The following DGCR2 variants were observed in gnomAD, a reference collection of about 807,000 sequenced individuals.
The protein encoded by DGCR2 is integral membrane protein DGCR2/IDD.
A neutral mutation model predicts 51.6 loss-of-function variants in DGCR2; 24 were observed. The ratio of observed to expected loss-of-function variants is 0.47; its 90% CI spans 0.34 to 0.65. The LOEUF (loss-of-function observed/expected upper bound fraction) is 0.65. Among genes scored for constraint, DGCR2 ranks in the 30% least tolerant of loss-of-function variants. The pLI is 0.01. For missense variants in DGCR2, 765 were observed against 772.1 expected (o/e 0.99, Z 0.11); for synonymous variants, 340 against 315.4 (o/e 1.08, Z -0.82).
chr22:19,068,352 T>C (rs1159450466), intron 2 of DGCR2, 127 bp from the exon 3 acceptor site: 1 of 1,161,088 alleles, frequency 8.6e-7, no homozygotes, highest in East Asian at 3.0e-5. Flanking sequence ...AGTCCGGCAA[T>C]GCAGGCTTTC....
At chr22:19,084,410 C>T (rs2082983020) in intron 2 of DGCR2, among the ~76,000 whole-genome samples, 1 of 151,494 alleles carries the variant, frequency 6.6e-6, no homozygotes, top group African/African-American at 2.4e-5. Context: ...CGCCGGGCCA[C>T]CCCGTCTGAG....
In DGCR2 at chr22:19,036,664, T is replaced by A. The variant is rs2082372328; in HGVS notation, c.*2201A>T. 6.6e-6 allele frequency: 1 copy of A among 152,216 alleles called. No homozygotes were observed. The highest frequency in any genetic ancestry group is 2.1e-4 in the South Asian group (1 of 4,826). 9.4% of individuals were successfully genotyped at this position (152,216 alleles called of 1,614,324 possible). ...TCCCAAGGGCCTCCTGGAGCCACAGTGGCAGCGGTGTTCCAGGCAGCCCTG... is the reference window on the plus strand; with the variant it reads ...TCCCAAGGGCCTCCTGGAGCCACAGAGGCAGCGGTGTTCCAGGCAGCCCTG... On this transcript the variant is annotated 3_prime_UTR_variant, in exon 10 of 10. Transcript: ENST00000263196.
intron 1 of DGCR2, among the ~76,000 whole-genome samples, chr22:19,109,214 A>G (rs2083290098): frequency 6.6e-6 from 1 of 152,212 alleles, no homozygotes; most frequent in Non-Finnish European, 1.5e-5. Context: ...TGGTACAGTC[A>G]CTATGGAAGA....
At chr22:19,046,047 A>G (rs2082486204) in intron 7 of DGCR2, 1 of 152,152 alleles carries the variant, frequency 6.6e-6, no homozygotes, top group African/African-American at 2.4e-5. Context: ...TTTTAGAATT[A>G]GCTTGTCAAT....
chr22:19,103,310 G>A (rs554316581), intron 1 of DGCR2, among the ~76,000 whole-genome samples: 7 of 150,502 alleles, frequency 4.7e-5, no homozygotes, highest in Admixed American at 6.6e-5. Flanking sequence ...TTCTGGAAAT[G>A]GGTAGTGGTG....
Position 19,054,341 on chromosome 22 carries a change from T to C in DGCR2, c.802+2645A>G, listed in dbSNP as rs116547990. On this transcript the variant is annotated intron_variant, in intron 6 of 9. Coordinates refer to ENST00000263196, the MANE Select transcript of DGCR2 (RefSeq NM_005137.3). ...AGCAAATGCAGTAAAACTGAAATAC[T>C]GTAACTGGTGAGTCTGTGTAAATGG... Among the ~76,000 whole-genome samples, 1,169 of 152,334 alleles carry C rather than the reference T, an allele frequency of 7.7e-3. 19 individuals carry two copies. The highest frequency in any genetic ancestry group is 0.026 in the African/African-American group (1,090 of 41,570).
At chr22:19,065,098 G>C in intron 3 of DGCR2, 31 bp from the exon 4 acceptor site, 5 of 1,596,862 alleles carry the variant, frequency 3.1e-6, no homozygotes, top group South Asian at 1.1e-5. Context: ...TGTCCCCCAA[G>C]TTAGGATCCA....
rs1401580854 is a variant in DGCR2, at chr22:19,064,944, G to C, written c.452C>G (p.Ser151Cys). 5 of 1,613,890 alleles carry C rather than the reference G, an allele frequency of 3.1e-6. No homozygotes were observed. The highest frequency in any genetic ancestry group is 4.2e-6 in the Non-Finnish European group (5 of 1,180,054). The change falls in exon 4 of 10, where the codon TCT becomes TGT. Residue 151 changes from serine (S) to cysteine (C), a missense_variant. By Grantham distance (112) the Ser-to-Cys change is moderately radical. This residue lies in a region of DGCR2 where 370 missense variants were observed against 325.5 expected (regional missense o/e 1.14). Transcript: ENST00000263196. ...AAQTCQRLNGSLATFSTDQEL... is the reference protein window; with the variant it reads ...AAQTCQRLNGCLATFSTDQEL... Reference sequence around the variant, plus strand: ...CTGGTCAGTGGAGAAGGTGGCGAGAGAGCCATTCAGGCGCTGGCAGGTCTG... The same window carrying C: ...CTGGTCAGTGGAGAAGGTGGCGAGACAGCCATTCAGGCGCTGGCAGGTCTG...
chr22:19,122,240 A>C lies in DGCR2; in HGVS notation c.-34T>G. ...CGTTCATCGTCCCCGGGGCGGCTGG[A>C]AGGCCGGACCAGGCCGGACTGAGGG... On this transcript the variant is annotated 5_prime_UTR_variant, in exon 1 of 10. Coordinates refer to ENST00000263196, the MANE Select transcript of DGCR2 (RefSeq NM_005137.3). 6.8e-7 allele frequency: 1 copy of C among 1,475,678 alleles called. No homozygotes were observed. The highest frequency in any genetic ancestry group is 9.0e-7 in the Non-Finnish European group (1 of 1,107,018). 91.4% of individuals were successfully genotyped at this position (1,475,678 alleles called of 1,614,324 possible). A position where few individuals can be genotyped will look rare whatever the true frequency, so the allele number is the denominator to read the frequency against.
At chr22:19,101,702 T>C (rs528298699) in intron 1 of DGCR2, among the ~76,000 whole-genome samples, 13 of 136,316 alleles carry the variant, frequency 9.5e-5, no homozygotes, top group East Asian at 2.2e-4. Flanking sequence ...GGTCACGCCA[T>C]TGCACTCCAG....
intron 1 of DGCR2, among the ~76,000 whole-genome samples, chr22:19,098,016 C>CA (rs1601284999): frequency 1.3e-5 from 2 of 152,204 alleles, no homozygotes; most frequent in African/African-American, 4.8e-5. Flanking sequence ...TCCTTACAAC[C>CA]AGACAGCTCT....
intron 1 of DGCR2, among the ~76,000 whole-genome samples, chr22:19,107,900 T>C (rs1387029359): frequency 1.3e-5 from 2 of 152,200 alleles, no homozygotes; most frequent in Non-Finnish European, 2.9e-5. Flanking sequence ...GCAGCCAATT[T>C]CTCTAAGAGA....
At chr22:19,063,987 C>A (rs1459584798) in intron 4 of DGCR2, among the ~76,000 whole-genome samples, 1 of 152,270 alleles carries the variant, frequency 6.6e-6, no homozygotes, top group Admixed American at 6.5e-5. Context: ...CGGCTTCCCA[C>A]TCAGAGCCAG....
rs778409936 is a variant in DGCR2 at position 19,081,436 on chromosome 22, C to T, written c.202+7932G>A. On this transcript the variant is annotated intron_variant, in intron 2 of 9. Transcript: ENST00000263196. ...TTTTTAGCAACTTGCTTTTAGCTGACGTTCTGTTTTCAAGATTCATCCATG... is the reference window on the plus strand; with the variant it reads ...TTTTTAGCAACTTGCTTTTAGCTGATGTTCTGTTTTCAAGATTCATCCATG... 2.6e-4 allele frequency among the ~76,000 whole-genome samples: 39 copies of T among 152,154 alleles called. 1 individual carries two copies. The highest frequency in any genetic ancestry group is 5.6e-4 in the Non-Finnish European group (38 of 68,032).
intron 2 of DGCR2, among the ~76,000 whole-genome samples, chr22:19,074,814 T>C (rs2082856553): frequency 6.6e-6 from 1 of 152,164 alleles, no homozygotes; most frequent in Admixed American, 6.5e-5. Flanking sequence ...CCCACCTTTT[T>C]TTTACATCGG....
chr22:19,118,374 C>CAA (rs923572855), intron 1 of DGCR2, among the ~76,000 whole-genome samples: 310 of 56,750 alleles, frequency 5.5e-3, no homozygotes, highest in South Asian at 7.1e-3. Context: ...CCATCGCAAA[C>CAA]AAAAAAAAAA....
chr22:19,051,282 T>C (rs927670791), intron 6 of DGCR2, among the ~76,000 whole-genome samples: 2 of 151,206 alleles, frequency 1.3e-5, no homozygotes, highest in African/African-American at 4.9e-5. Flanking sequence ...TGGGTAAACT[T>C]ATACTGCCAG....
intron 3 of DGCR2, among the ~76,000 whole-genome samples, chr22:19,066,206 C>T (rs184521408): frequency 6.6e-6 from 1 of 152,164 alleles, no homozygotes; most frequent in African/African-American, 2.4e-5. Context: ...TTGAGACCAG[C>T]CTGGGCAACA....
At chr22:19,102,529 C>T (rs2083213587) in intron 1 of DGCR2, among the ~76,000 whole-genome samples, 1 of 152,010 alleles carries the variant, frequency 6.6e-6, no homozygotes, top group African/African-American at 2.4e-5. Flanking sequence ...GGTGAAATCC[C>T]ATCTCTACTA....
Sources: gnomAD v4.1 joint callset for allele counts (sites outside exome capture counted in the v4.1 genomes callset) on GRCh38, gnomAD v4.1.1 for gene constraint, gnomAD v4.1.1 regional missense constraint, MANE v1.5 for transcripts, NCBI Gene and HGNC (gene_info 2026-07-23, HGNC 2026-07-21) for gene names.